Variants in SLCO6A1 observed in about 807,000 individuals in gnomAD.
SLCO6A1 encodes the protein solute carrier organic anion transporter family member 6A1, also known as cancer/testis antigen 48.
Under a neutral mutation model 72.7 loss-of-function variants are expected in SLCO6A1, and 65 were observed. The observed-to-expected ratio is 0.89, with a 90% CI of 0.73 to 1.10. The LOEUF (loss-of-function observed/expected upper bound fraction) is 1.10. Among genes scored for constraint, SLCO6A1 ranks in the 50% least tolerant of loss-of-function variants. SLCO6A1 has a pLI of 0.00. For missense variants in SLCO6A1, 874 were observed against 872.6 expected (o/e 1.00, Z -0.02); for synonymous variants, 314 against 298.2 (o/e 1.05, Z -0.55).
In SLCO6A1 at chr5:102,488,952, T is replaced by A. The variant is rs939042704; in HGVS notation, c.359-8518A>T. Among the ~76,000 whole-genome samples, 8 of 152,182 alleles carry A rather than the reference T, an allele frequency of 5.3e-5. 1 individual carries two copies. Among genetic ancestry groups the A allele is most frequent in the African/African-American group, 1.9e-4 (8 of 41,440 alleles). ...TTGGGAGAATTGAGAGACAGAAGAT[T>A]GAGGAAGTCACATAAAAAGTCAGGA... On this transcript the variant is annotated intron_variant, in intron 1 of 13. Coordinates refer to ENST00000506729, the MANE Select transcript of SLCO6A1 (RefSeq NM_173488.5).
intron 4 of SLCO6A1, among the ~76,000 whole-genome samples, chr5:102,462,021 A>G (rs1473305297): frequency 6.6e-6 from 1 of 152,208 alleles, no homozygotes; most frequent in East Asian, 1.9e-4. Flanking sequence ...GAATGAATTC[A>G]GTAAAGTTTC....
intron 6 of SLCO6A1, among the ~76,000 whole-genome samples, chr5:102,439,419 G>A (rs867390438): frequency 2.0e-5 from 3 of 151,922 alleles, no homozygotes; most frequent in Admixed American, 6.6e-5. Context: ...TTGGTTATGC[G>A]TATCTCACTG....
At chr5:102,442,057 T>C (rs1749862955) in intron 6 of SLCO6A1, among the ~76,000 whole-genome samples, 1 of 152,178 alleles carries the variant, frequency 6.6e-6, no homozygotes, top group Non-Finnish European at 1.5e-5. Flanking sequence ...GTTATAGCTA[T>C]ATCCTATGAT....
chr5:102,431,728 T>C (rs1193903319), intron 7 of SLCO6A1, among the ~76,000 whole-genome samples: 2 of 152,112 alleles, frequency 1.3e-5, no homozygotes, highest in Non-Finnish European at 2.9e-5. Flanking sequence ...GGTGAAGAGG[T>C]CTGTTGATGC....
intron 6 of SLCO6A1, among the ~76,000 whole-genome samples, chr5:102,448,629 C>A (rs1046844528): frequency 6.6e-6 from 1 of 152,006 alleles, no homozygotes; most frequent in Non-Finnish European, 1.5e-5. Flanking sequence ...ATAATGCCCC[C>A]CTTTGTCCTT....
chr5:102,438,869 C>A lies in SLCO6A1; in HGVS notation c.1132-108G>T. On this transcript the variant is annotated intron_variant, in intron 6 of 13. Coordinates refer to ENST00000506729, the MANE Select transcript of SLCO6A1 (RefSeq NM_173488.5). The stretch of plus-strand genomic sequence containing the variant: ...TCTACAAAAATTTACCATTCCCAAT[C>A]TAAACTGAAAAGATAATTGATAGAT... 4.3e-6 allele frequency: 3 copies of A among 696,164 alleles called. No individual in the cohort carries two copies. In the South Asian group the frequency reaches 1.0e-4, roughly 23 times the overall value. 43.1% of individuals were successfully genotyped at this position (696,164 alleles called of 1,614,324 possible). A position where few individuals can be genotyped will look rare whatever the true frequency, so the allele number is the denominator to read the frequency against.
intron 13 of SLCO6A1, among the ~76,000 whole-genome samples, chr5:102,372,535 T>A (rs1580304595): frequency 6.7e-6 from 1 of 149,012 alleles, no homozygotes. Flanking sequence ...AAAAAATCTA[T>A]AAATAGTTGA....
At chr5:102,485,680 T>C (rs1752417331) in intron 1 of SLCO6A1, among the ~76,000 whole-genome samples, 1 of 152,192 alleles carries the variant, frequency 6.6e-6, no homozygotes, top group South Asian at 2.1e-4. Flanking sequence ...CATGAAAACT[T>C]GCGCCTGTTT....
chr5:102,439,530 A>G (rs1048814849), intron 6 of SLCO6A1, among the ~76,000 whole-genome samples: 2 of 152,116 alleles, frequency 1.3e-5, no homozygotes, highest in Admixed American at 1.3e-4. Flanking sequence ...CATAGTCTGC[A>G]AACTCAACTA....
intron 12 of SLCO6A1, among the ~76,000 whole-genome samples, chr5:102,377,800 T>C (rs558714581): frequency 1.2e-4 from 18 of 151,834 alleles, no homozygotes; most frequent in Middle Eastern, 3.4e-3. Context: ...GCTTCCCGAG[T>C]ATCTGGGACT....
chr5:102,454,815 T>C (rs773017642), intron 6 of SLCO6A1, among the ~76,000 whole-genome samples: 110 of 151,668 alleles, frequency 7.3e-4, no homozygotes, highest in Non-Finnish European at 1.2e-3. Flanking sequence ...ATAGTTAAAA[T>C]ATATGTACAT....
chr5:102,406,754 A>C (rs1747691671), intron 9 of SLCO6A1, among the ~76,000 whole-genome samples: 1 of 152,214 alleles, frequency 6.6e-6, no homozygotes, highest in South Asian at 2.1e-4. Flanking sequence ...CTAAAAAAAA[A>C]CATTAATACT....
At chr5:102,474,618 T>C (rs1751800385) in intron 4 of SLCO6A1, among the ~76,000 whole-genome samples, 1 of 151,932 alleles carries the variant, frequency 6.6e-6, no homozygotes, top group African/African-American at 2.4e-5. Context: ...AAGGAAACAA[T>C]TGGCGAAGTG....
chr5:102,445,434 TG>T (rs966667325), intron 6 of SLCO6A1, among the ~76,000 whole-genome samples: 10 of 152,194 alleles, frequency 6.6e-5, no homozygotes, highest in African/African-American at 2.4e-4. Context: ...TGGGGTTGTT[TG>T]GGGTTGTTTT....
intron 2 of SLCO6A1, 39 bp downstream of exon 2, chr5:102,480,138 T>C (rs1752111718): frequency 6.5e-7 from 1 of 1,529,642 alleles, no homozygotes; most frequent in African/African-American, 1.4e-5. Context: ...TTTGAATGAA[T>C]ATTGATTTGA....
intron 7 of SLCO6A1, among the ~76,000 whole-genome samples, chr5:102,434,028 G>A (rs1438272893): frequency 6.6e-6 from 1 of 151,880 alleles, no homozygotes; most frequent in African/African-American, 2.4e-5. Flanking sequence ...AGTGCCTCTT[G>A]TTAGTAACAT....
intron 1 of SLCO6A1, among the ~76,000 whole-genome samples, chr5:102,482,927 C>A (rs146263278): frequency 6.6e-6 from 1 of 152,116 alleles, no homozygotes; most frequent in African/African-American, 2.4e-5. Flanking sequence ...AGGAATGGAG[C>A]CAGTACCTAG....
At chr5:102,373,068 G>A (rs7712152) in intron 13 of SLCO6A1, among the ~76,000 whole-genome samples, 2 of 150,926 alleles carry the variant, frequency 1.3e-5, no homozygotes, top group African/African-American at 2.4e-5. Context: ...GGGCTATCAC[G>A]TCAGTTAAAA....
chr5:102,398,598 T>C (rs1747230549), intron 10 of SLCO6A1, among the ~76,000 whole-genome samples: 1 of 152,212 alleles, frequency 6.6e-6, no homozygotes, highest in African/African-American at 2.4e-5. Context: ...CTCTTGAGGT[T>C]TGCAGTTTTC....
Sources: gnomAD v4.1 joint callset for allele counts (sites outside exome capture counted in the v4.1 genomes callset) on GRCh38, gnomAD v4.1.1 for gene constraint, MANE v1.5 for transcripts, NCBI Gene and HGNC (gene_info 2026-07-23, HGNC 2026-07-21) for gene names.